MIR2052HG: variants seen among roughly 807,000 people sequenced by gnomAD.
MIR2052HG encodes MIR2052 host gene.
At chr8:74,653,927 G>T (rs1199680209) in intron 2 of MIR2052HG, among the ~76,000 whole-genome samples, 1 of 152,066 alleles carries the variant, frequency 6.6e-6, no homozygotes, top group African/African-American at 2.4e-5. Context: ...TTTTCAAGAT[G>T]GTTTTCTCAG....
chr8:74,688,421 T>C (rs1281462308), intron 2 of MIR2052HG, among the ~76,000 whole-genome samples: 2 of 152,174 alleles, frequency 1.3e-5, no homozygotes, highest in Non-Finnish European at 2.9e-5. Flanking sequence ...GTAAAAGATA[T>C]ATCTGAAAAT....
At chr8:74,747,909 T>C (rs1809903410) in intron 4 of MIR2052HG, among the ~76,000 whole-genome samples, 2 of 152,198 alleles carry the variant, frequency 1.3e-5, no homozygotes, top group Non-Finnish European at 2.9e-5. Flanking sequence ...TCATGAAATG[T>C]GTTCTTATAT....
chr8:74,603,404 C>T lies in MIR2052HG; in HGVS notation n.128+3496C>T. Reference sequence around the variant, plus strand: ...GTAACCTGCCTATCAGTAGATCCTTCCACTGGGTTCGCAATTTTGATCTGT... The same window carrying T: ...GTAACCTGCCTATCAGTAGATCCTTTCACTGGGTTCGCAATTTTGATCTGT... On this transcript the variant is annotated intron_variant and non_coding_transcript_variant, in intron 1 of 6. Transcript: ENST00000523442. 9.9e-6 allele frequency: 16 copies of T among 1,611,052 alleles called. No homozygotes were observed. In the South Asian group the frequency reaches 1.4e-4, roughly 14 times the overall value.
intron 2 of MIR2052HG, among the ~76,000 whole-genome samples, chr8:74,624,850 C>T (rs2128733207): frequency 6.6e-6 from 1 of 152,150 alleles, no homozygotes; most frequent in South Asian, 2.1e-4. Context: ...AATAATTCAA[C>T]CAGAAATGCA....
chr8:74,673,925 T>C (rs1809022176), intron 2 of MIR2052HG, among the ~76,000 whole-genome samples: 1 of 125,622 alleles, frequency 8.0e-6, no homozygotes, highest in Non-Finnish European at 1.5e-5. Context: ...ACACAAAATA[T>C]CTATCTATAT....
At chr8:74,677,974 A>C (rs896616846) in intron 2 of MIR2052HG, among the ~76,000 whole-genome samples, 3 of 152,200 alleles carry the variant, frequency 2.0e-5, no homozygotes, top group Non-Finnish European at 2.9e-5. Context: ...AAAGAGCGGA[A>C]ATTGAAAAGA....
intron 2 of MIR2052HG, among the ~76,000 whole-genome samples, chr8:74,622,268 G>A (rs1593412): frequency 0.14 from 20,660 of 152,152 alleles, 1,810 homozygotes; most frequent in Middle Eastern, 0.29. Flanking sequence ...TTTCGAAAAG[G>A]TAAATGAAAC....
chr8:74,604,714 C>T (rs1322697992), intron 1 of MIR2052HG, among the ~76,000 whole-genome samples: 1 of 151,160 alleles, frequency 6.6e-6, no homozygotes, highest in African/African-American at 2.4e-5. Flanking sequence ...CTGCCTCAGC[C>T]TCCCTAGTAG....
intron 4 of MIR2052HG, among the ~76,000 whole-genome samples, chr8:74,744,616 A>G (rs529305315): frequency 5.1e-4 from 77 of 151,970 alleles, no homozygotes; most frequent in Admixed American, 2.0e-3. Context: ...GAGAATGATG[A>G]TTTCCAATTT....
intron 2 of MIR2052HG, among the ~76,000 whole-genome samples, chr8:74,681,137 G>A (rs1212590044): frequency 3.3e-5 from 5 of 151,010 alleles, no homozygotes; most frequent in East Asian, 2.0e-4. Flanking sequence ...TGGGCGCAGC[G>A]CACCAGCATG....
chr8:74,744,874 G>C (rs1350948992), intron 4 of MIR2052HG, among the ~76,000 whole-genome samples: 3 of 152,176 alleles, frequency 2.0e-5, no homozygotes, highest in Admixed American at 2.0e-4. Context: ...GTGAGAAGGA[G>C]AACTGTGGGT....
intron 4 of MIR2052HG, among the ~76,000 whole-genome samples, chr8:74,714,062 G>A (rs1297182340): frequency 1.3e-5 from 2 of 151,990 alleles, no homozygotes; most frequent in Admixed American, 1.3e-4. Flanking sequence ...CAACAACTAG[G>A]GTTTCTATCA....
At chr8:74,737,088 C>T (rs1174846542) in intron 4 of MIR2052HG, among the ~76,000 whole-genome samples, 1 of 152,214 alleles carries the variant, frequency 6.6e-6, no homozygotes, top group Admixed American at 6.5e-5. Context: ...CAGTCCGCAA[C>T]AAATCGGACT....
intron 2 of MIR2052HG, among the ~76,000 whole-genome samples, chr8:74,692,051 C>T (rs979341974): frequency 2.6e-5 from 4 of 152,108 alleles, no homozygotes; most frequent in Non-Finnish European, 5.9e-5. Context: ...ATAAAATGGG[C>T]ATTGGTAAAA....
intron 2 of MIR2052HG, among the ~76,000 whole-genome samples, chr8:74,640,827 G>C (rs1016280548): frequency 6.6e-6 from 1 of 152,160 alleles, no homozygotes; most frequent in Non-Finnish European, 1.5e-5. Flanking sequence ...TGCTGCCAAA[G>C]CTTTTGCCTT....
At chr8:74,602,986 A>G (rs568001029) in intron 1 of MIR2052HG, among the ~76,000 whole-genome samples, 1 of 150,552 alleles carries the variant, frequency 6.6e-6, no homozygotes, top group South Asian at 2.1e-4. Flanking sequence ...TAACATTTCC[A>G]TGACAGACAG....
chr8:74,634,077 G>A (rs1474772857), intron 2 of MIR2052HG, among the ~76,000 whole-genome samples: 1 of 152,136 alleles, frequency 6.6e-6, no homozygotes, highest in Non-Finnish European at 1.5e-5. Context: ...AGGTGGAGAG[G>A]CTTGATTCTC....
At chr8:74,669,132 C>T (rs1808963536) in intron 2 of MIR2052HG, among the ~76,000 whole-genome samples, 1 of 152,172 alleles carries the variant, frequency 6.6e-6, no homozygotes, top group African/African-American at 2.4e-5. Flanking sequence ...GTAATTTCAA[C>T]TTTAATATGC....
At chr8:74,602,513 T>C (rs1808015321) in intron 1 of MIR2052HG, among the ~76,000 whole-genome samples, 2 of 151,156 alleles carry the variant, frequency 1.3e-5, no homozygotes, top group Non-Finnish European at 2.9e-5. Context: ...GTTTCTTTTC[T>C]TTCTTTCTTT....
Sources: allele counts gnomAD v4.1 joint callset (sites outside exome capture counted in the v4.1 genomes callset), GRCh38; gene constraint gnomAD v4.1.1; transcripts MANE v1.5; gene names NCBI Gene and HGNC (gene_info 2026-07-23, HGNC 2026-07-21).